The following SLCO3A1 variants were observed in gnomAD, a reference collection of about 807,000 sequenced individuals.
SLCO3A1 encodes solute carrier organic anion transporter family member 3A1.
In SLCO3A1, 27 loss-of-function variants were observed where a neutral mutation model predicts 63.1. The observed-to-expected ratio is 0.43, with a 90% CI of 0.32 to 0.59. The LOEUF is 0.59. Ranked by LOEUF, SLCO3A1 falls within the 20% of genes least tolerant of loss-of-function variation. The pLI is 0.09. For missense variants in SLCO3A1, 773 were observed against 945.8 expected (o/e 0.82, Z 2.40); for synonymous variants, 473 against 409.9 (o/e 1.15, Z -1.86).
Position 92,165,373 on chromosome 15 carries a change from G to A in SLCO3A1, c.*2238G>A. On this transcript the variant is annotated 3_prime_UTR_variant, in exon 10 of 10. Transcript: ENST00000318445. ...TAAGGCTTTGATAATATCCTGTACA[G>A]ATTTTGGTTTAGTTTTGCAAATATA... The A allele has an allele frequency of 1.0e-6, 1 of 985,266 alleles. No homozygotes were observed. The highest frequency in any genetic ancestry group is 4.7e-5 in the South Asian group (1 of 21,286). The allele number at this position is 985,266 out of a possible 1,614,324, so 61.0% of individuals were successfully genotyped here. A position where few individuals can be genotyped will look rare whatever the true frequency, so the allele number is the denominator to read the frequency against.
chr15:92,068,560 G>T (rs1006085177), intron 2 of SLCO3A1, among the ~76,000 whole-genome samples: 1 of 152,148 alleles, frequency 6.6e-6, no homozygotes, highest in African/African-American at 2.4e-5. Context: ...AGTTTCTAGA[G>T]AAATTTTTAA....
chr15:91,902,595 C>T lies in SLCO3A1; in HGVS notation c.181-13398C>T, dbSNP rs117974184. On this transcript the variant is annotated intron_variant, in intron 1 of 9. Transcript: ENST00000318445. ...GGAGGGAGGGCAAGAACCAGATTCC[C>T]ACTGATCTATCCAGAAGTTTTAAAT... Among the ~76,000 whole-genome samples, 861 of 152,170 alleles carry T rather than the reference C, an allele frequency of 5.7e-3. 3 individuals are homozygous for T. The highest frequency in any genetic ancestry group is 9.2e-3 in the Non-Finnish European group (629 of 68,006).
intron 9 of SLCO3A1, among the ~76,000 whole-genome samples, chr15:92,156,216 G>A (rs2048369848): frequency 6.6e-6 from 1 of 152,206 alleles, no homozygotes; most frequent in Non-Finnish European, 1.5e-5. Flanking sequence ...CATGCCCAGG[G>A]GCCCCAGGTG....
chr15:91,888,114 TG>T (rs1253924282), intron 1 of SLCO3A1, among the ~76,000 whole-genome samples: 1 of 152,244 alleles, frequency 6.6e-6, no homozygotes, highest in African/African-American at 2.4e-5. Context: ...GTGGTTTGGT[TG>T]GTTGCATTAT....
intron 2 of SLCO3A1, among the ~76,000 whole-genome samples, chr15:92,031,487 C>T (rs1479655210): frequency 6.6e-6 from 1 of 152,162 alleles, no homozygotes; most frequent in Non-Finnish European, 1.5e-5. Context: ...CCTCATGCTC[C>T]TTGGGGCTGC....
intron 4 of SLCO3A1, among the ~76,000 whole-genome samples, chr15:92,106,502 G>A (rs893812638): frequency 1.3e-5 from 2 of 152,144 alleles, no homozygotes; most frequent in African/African-American, 2.4e-5. Flanking sequence ...AATTGGGCAG[G>A]CATGAGAGTG....
At chr15:92,130,573 A>G (rs117348457) in intron 7 of SLCO3A1, among the ~76,000 whole-genome samples, 2 of 152,178 alleles carry the variant, frequency 1.3e-5, no homozygotes, top group East Asian at 3.9e-4. Context: ...CTGGAAAGGG[A>G]CCCTTGTGAC....
chr15:92,015,503 T>G lies in SLCO3A1; in HGVS notation c.647-79378T>G, dbSNP rs141206981. ...AACAGCATGGGGGAAACCGCCCCCA[T>G]GATCCAATCACCTCCTACCCAGGTC... On this transcript the variant is annotated intron_variant, in intron 2 of 9. Transcript: ENST00000318445. Among the ~76,000 whole-genome samples, 112 of 152,228 alleles carry G rather than the reference T, an allele frequency of 7.4e-4. No individual in the cohort carries two copies. In the East Asian group the frequency reaches 0.016, roughly 22 times the overall value.
At chr15:91,866,320 C>T (rs1172345922) in intron 1 of SLCO3A1, among the ~76,000 whole-genome samples, 1 of 152,136 alleles carries the variant, frequency 6.6e-6, no homozygotes. Flanking sequence ...CCCTCACACC[C>T]AGGATTCCTT....
At chr15:92,159,833 C>G (rs371196783) in intron 9 of SLCO3A1, among the ~76,000 whole-genome samples, 2 of 152,138 alleles carry the variant, frequency 1.3e-5, no homozygotes, top group Admixed American at 6.5e-5. Context: ...AATTCTCACT[C>G]AGGTACATGA....
intron 2 of SLCO3A1, among the ~76,000 whole-genome samples, chr15:91,922,817 C>G (rs1469956753): frequency 6.6e-6 from 1 of 152,190 alleles, no homozygotes; most frequent in Non-Finnish European, 1.5e-5. Context: ...TTTGTTTTGG[C>G]CATATTCCAT....
chr15:92,060,909 A>G (rs2151506053), intron 2 of SLCO3A1, among the ~76,000 whole-genome samples: 1 of 152,348 alleles, frequency 6.6e-6, no homozygotes, highest in Middle Eastern at 3.4e-3. Context: ...AGGATCATCA[A>G]GACATAATTG....
intron 2 of SLCO3A1, among the ~76,000 whole-genome samples, chr15:92,021,966 C>G (rs1036001814): frequency 6.6e-6 from 1 of 152,220 alleles, no homozygotes; most frequent in African/African-American, 2.4e-5. Flanking sequence ...ATTGTCACAC[C>G]TGCCTGGAGT....
At chr15:92,095,306 GTGTC>G (rs1221694204) in intron 3 of SLCO3A1, among the ~76,000 whole-genome samples, 3 of 152,220 alleles carry the variant, frequency 2.0e-5, no homozygotes, top group Non-Finnish European at 2.9e-5. Flanking sequence ...TTTAATGAGA[GTGTC>G]TGTGTAGAAA....
At chr15:91,858,710 T>C (rs1384426980) in intron 1 of SLCO3A1, among the ~76,000 whole-genome samples, 1 of 152,236 alleles carries the variant, frequency 6.6e-6, no homozygotes, top group Non-Finnish European at 1.5e-5. Flanking sequence ...TGTTTTCTGT[T>C]ATGCTGCATG....
chr15:92,055,350 T>G (rs1403801510), intron 2 of SLCO3A1, among the ~76,000 whole-genome samples: 1 of 152,218 alleles, frequency 6.6e-6, no homozygotes, highest in Non-Finnish European at 1.5e-5. Context: ...ATATTAGACC[T>G]TTGTTAGATG....
chr15:91,916,120 G>T lies in SLCO3A1; in HGVS notation c.308G>T (p.Gly103Val). 6.2e-7 allele frequency: 1 copy of T among 1,610,830 alleles called. No homozygotes were observed. Among genetic ancestry groups the T allele is most frequent in the Non-Finnish European group, 8.5e-7 (1 of 1,179,374 alleles). Residue 103 changes from glycine to valine, a missense_variant, in exon 2 of 10, where the codon GGG becomes GTG. By Grantham distance (109) the Gly-to-Val change is moderately radical. Transcript: ENST00000318445. The surrounding 1 kb of genome is among the most constrained non-coding windows in gnomAD (Gnocchi z 6.2). Reference protein sequence around the residue: ...ILFVSYFGARGHRPRLIGCGG... With the variant: ...ILFVSYFGARVHRPRLIGCGG... ...TTCGTGAGCTACTTCGGGGCACGCG[G>T]GCACCGGCCGCGCCTGATCGGCTGC...
In SLCO3A1 at chr15:91,872,607, T is replaced by C. The variant is rs1897307331; in HGVS notation, c.180+18519T>C. 6.6e-6 allele frequency among the ~76,000 whole-genome samples: 1 copy of C among 152,090 alleles called. No homozygotes were observed. Among genetic ancestry groups the C allele is most frequent in the Non-Finnish European group, 1.5e-5 (1 of 68,006 alleles). Reference sequence around the variant, plus strand: ...CCAAGTTGGCACAGCTAGTGTTTGATCTTGAGTCTCTTGGTTCCAGCTCTA... The same window carrying C: ...CCAAGTTGGCACAGCTAGTGTTTGACCTTGAGTCTCTTGGTTCCAGCTCTA... On this transcript the variant is annotated intron_variant, in intron 1 of 9. Coordinates refer to ENST00000318445, the MANE Select transcript of SLCO3A1 (RefSeq NM_013272.4). The surrounding 1 kb of genome is among the most constrained non-coding windows in gnomAD (Gnocchi z 4.1).
At chr15:91,899,533 G>C (rs1898098360) in intron 1 of SLCO3A1, among the ~76,000 whole-genome samples, 2 of 152,084 alleles carry the variant, frequency 1.3e-5, no homozygotes, top group African/African-American at 4.8e-5. Flanking sequence ...TCCCAGTTCT[G>C]CCCTATTTTT....
Sources: gnomAD v4.1 joint callset for allele counts (sites outside exome capture counted in the v4.1 genomes callset) on GRCh38, gnomAD v4.1.1 for gene constraint, Gnocchi (gnomAD v3.1) non-coding constraint, MANE v1.5 for transcripts, NCBI Gene and HGNC (gene_info 2026-07-23, HGNC 2026-07-21) for gene names.